The following SNTG1 variants were observed in gnomAD, a reference collection of about 807,000 sequenced individuals.
The protein encoded by SNTG1 is syntrophin gamma 1.
SNTG1 carries 39 observed loss-of-function variants against 74.7 expected under a neutral mutation model. That is an observed-to-expected ratio of 0.52 (90% CI 0.40 to 0.68). The LOEUF (loss-of-function observed/expected upper bound fraction) is 0.68, where lower values mean the gene tolerates loss of function less well. SNTG1 is among the 30% of genes least tolerant of loss of function. SNTG1 has a pLI of 0.00. For missense variants in SNTG1, 685 were observed against 609.5 expected (o/e 1.12, Z -1.30); for synonymous variants, 254 against 217.1 (o/e 1.17, Z -1.49).
chr8:50,541,437 A>G (rs1055935134), intron 11 of SNTG1, among the ~76,000 whole-genome samples: 3 of 152,022 alleles, frequency 2.0e-5, no homozygotes, highest in African/African-American at 7.2e-5. Context: ...CCACATTTCT[A>G]ATCTCTGACA....
At chr8:50,777,628 G>A (rs1299182611) in intron 18 of SNTG1, among the ~76,000 whole-genome samples, 1 of 144,606 alleles carries the variant, frequency 6.9e-6, no homozygotes, top group Admixed American at 6.7e-5. Context: ...TCTCACTGTT[G>A]GCATCTTTTG....
At chr8:50,210,494 C>T (rs1296200396) in intron 2 of SNTG1, among the ~76,000 whole-genome samples, 1 of 152,102 alleles carries the variant, frequency 6.6e-6, no homozygotes, top group African/African-American at 2.4e-5. Context: ...TAGGGTTACC[C>T]ACAAAGGGAA....
chr8:50,193,965 T>G (rs2083672017), intron 2 of SNTG1, among the ~76,000 whole-genome samples: 1 of 152,168 alleles, frequency 6.6e-6, no homozygotes, highest in South Asian at 2.1e-4. Context: ...TTTTGTGGCG[T>G]ACCACATTTA....
chr8:50,756,301 G>C (rs1314618086), intron 18 of SNTG1, among the ~76,000 whole-genome samples: 1 of 151,628 alleles, frequency 6.6e-6, no homozygotes, highest in East Asian at 2.0e-4. Flanking sequence ...TCATGCCTTT[G>C]GCATAGAATC....
chr8:50,755,690 A>G (rs1481286966), intron 18 of SNTG1, among the ~76,000 whole-genome samples: 5 of 151,908 alleles, frequency 3.3e-5, no homozygotes, highest in African/African-American at 1.2e-4. Flanking sequence ...ACTGTCTTCC[A>G]AAGTAATTGT....
chr8:50,647,218 C>A (rs1441130978), intron 13 of SNTG1, among the ~76,000 whole-genome samples: 1 of 151,890 alleles, frequency 6.6e-6, no homozygotes, highest in African/African-American at 2.4e-5. Flanking sequence ...TTATTGGACC[C>A]CATTAAAGGT....
chr8:50,091,962 C>G (rs141821530), intron 1 of SNTG1, among the ~76,000 whole-genome samples: 83 of 152,158 alleles, frequency 5.5e-4, no homozygotes, highest in African/African-American at 1.8e-3. Context: ...AAATCTGTCA[C>G]CTGGGAACGC....
chr8:50,304,118 G>T (rs1222767860), intron 2 of SNTG1, among the ~76,000 whole-genome samples: 2 of 152,154 alleles, frequency 1.3e-5, no homozygotes, highest in Admixed American at 6.5e-5. Flanking sequence ...GACCCTGAGG[G>T]TTGTGCCCTC....
rs538234483 is a variant in SNTG1, at chr8:49,947,300, C to CA, written c.-103+35078dup. Among the ~76,000 whole-genome samples, 323 of 150,294 alleles carry CA rather than the reference C, an allele frequency of 2.1e-3. 2 individuals carry two copies. The highest frequency in any genetic ancestry group is 2.8e-3 in the Non-Finnish European group (190 of 67,538). On this transcript the variant is annotated intron_variant, in intron 1 of 18. Coordinates refer to ENST00000642720, the MANE Select transcript of SNTG1 (RefSeq NM_018967.5). Reference sequence around the variant, plus strand: ...GGATGATAAGAGCAAAACTCCGTCTCAAAAAAAAAGAGTAATTTCTGTCCT... The same window carrying CA: ...GGATGATAAGAGCAAAACTCCGTCTCAAAAAAAAAAGAGTAATTTCTGTCCT...
At chr8:50,766,571 A>G (rs2095614463) in intron 18 of SNTG1, among the ~76,000 whole-genome samples, 1 of 152,014 alleles carries the variant, frequency 6.6e-6, no homozygotes, top group Admixed American at 6.6e-5. Context: ...TACTTTACAC[A>G]TATTTCTACA....
chr8:50,742,633 A>G (rs1048539718), intron 17 of SNTG1, among the ~76,000 whole-genome samples: 10 of 151,858 alleles, frequency 6.6e-5, no homozygotes, highest in African/African-American at 2.4e-4. Context: ...AAAGAAGTAG[A>G]AAAAGACGAG....
chr8:50,090,018 G>C (rs1055537272), intron 1 of SNTG1, among the ~76,000 whole-genome samples: 1 of 152,180 alleles, frequency 6.6e-6, no homozygotes, highest in African/African-American at 2.4e-5. Flanking sequence ...ATTTCTATAG[G>C]ATCACTCCCA....
In SNTG1 at chr8:50,247,976, C is replaced by G. The variant is rs148071452; in HGVS notation, c.-28+75341C>G. 2.2e-3 allele frequency among the ~76,000 whole-genome samples: 338 copies of G among 152,256 alleles called. 2 individuals are homozygous for G. Among genetic ancestry groups the G allele is most frequent in the African/African-American group, 7.6e-3 (314 of 41,542 alleles). ...TATGAAGGAAAGATCAGTTCTGGGACTCTTTCCTTGGCTTATATATGGTTA... is the reference window on the plus strand; with the variant it reads ...TATGAAGGAAAGATCAGTTCTGGGAGTCTTTCCTTGGCTTATATATGGTTA... On this transcript the variant is annotated intron_variant, in intron 2 of 18. Coordinates refer to ENST00000642720, the MANE Select transcript of SNTG1 (RefSeq NM_018967.5).
chr8:50,060,493 T>C (rs1203655710), intron 1 of SNTG1, among the ~76,000 whole-genome samples: 1 of 152,098 alleles, frequency 6.6e-6, no homozygotes, highest in Non-Finnish European at 1.5e-5. Context: ...ACCTCTTACA[T>C]TTAGGTCTTA....
intron 1 of SNTG1, among the ~76,000 whole-genome samples, chr8:50,010,136 C>T (rs753463265): frequency 2.0e-5 from 3 of 152,112 alleles, no homozygotes; most frequent in African/African-American, 4.8e-5. Context: ...AACATGTATA[C>T]AATTAAGGAT....
chr8:50,039,598 T>C (rs974419652), intron 1 of SNTG1, among the ~76,000 whole-genome samples: 2 of 152,094 alleles, frequency 1.3e-5, no homozygotes, highest in African/African-American at 4.8e-5. Flanking sequence ...CACCATATTA[T>C]CTTCCTTTAA....
At chr8:50,780,045 G>T (rs2095654122) in intron 18 of SNTG1, among the ~76,000 whole-genome samples, 1 of 152,280 alleles carries the variant, frequency 6.6e-6, no homozygotes, top group Admixed American at 6.5e-5. Context: ...GCATCCTAGG[G>T]ATGAAGCCCA....
chr8:50,055,877 T>C lies in SNTG1; in HGVS notation c.-102-116684T>C, dbSNP rs564742824. Among the ~76,000 whole-genome samples, 7 of 152,258 alleles carry C rather than the reference T, an allele frequency of 4.6e-5. No individual in the cohort carries two copies. In the South Asian group the frequency reaches 1.4e-3, roughly 32 times the overall value. On this transcript the variant is annotated intron_variant, in intron 1 of 18. Transcript: ENST00000642720. Reference sequence around the variant, plus strand: ...ATTTTAAAAAATTGTTTGATAGACTTAATAGGCCCTGTTTTTCTTAAGAAA... The same window carrying C: ...ATTTTAAAAAATTGTTTGATAGACTCAATAGGCCCTGTTTTTCTTAAGAAA...
At chr8:49,983,733 C>T (rs758629293) in intron 1 of SNTG1, among the ~76,000 whole-genome samples, 1 of 152,188 alleles carries the variant, frequency 6.6e-6, no homozygotes, top group Non-Finnish European at 1.5e-5. Context: ...CTTCACTGCC[C>T]TGATGCTTTT....
Sources: gnomAD v4.1 joint callset for allele counts (sites outside exome capture counted in the v4.1 genomes callset) on GRCh38, gnomAD v4.1.1 for gene constraint, MANE v1.5 for transcripts, NCBI Gene and HGNC (gene_info 2026-07-23, HGNC 2026-07-21) for gene names.